Variants in CNTFR observed in about 807,000 individuals in gnomAD.
CNTFR encodes ciliary neurotrophic factor receptor subunit alpha.
Under a neutral mutation model 40.4 loss-of-function variants are expected in CNTFR, and 12 were observed. The observed-to-expected ratio is 0.30, with a 90% CI of 0.19 to 0.48. CNTFR has a LOEUF of 0.48. CNTFR is among the 20% of genes least tolerant of loss of function. The probability of loss-of-function intolerance (pLI) is 0.99; values close to 1 mark genes in which losing one functional copy is unlikely to be tolerated. For missense variants in CNTFR, 414 were observed against 506.8 expected (o/e 0.82, Z 1.76); for synonymous variants, 202 against 209.6 (o/e 0.96, Z 0.31).
At chr9:34,575,451 G>A (rs1481866332) in intron 2 of CNTFR, among the ~76,000 whole-genome samples, 1 of 151,984 alleles carries the variant, frequency 6.6e-6, no homozygotes, top group Non-Finnish European at 1.5e-5. Context: ...GTAAGGAAAG[G>A]CCCGAAGCGG....
At position 34,556,237 on chromosome 9, in the gene CNTFR, G is replaced by T; in HGVS notation, c.768+18C>A. On this transcript the variant is annotated intron_variant, in intron 7 of 9. Coordinates refer to ENST00000378980, the MANE Select transcript of CNTFR (RefSeq NM_147164.3). ...TCTAACTCAGGCACCCAGGATCTTG[G>T]CCGGGCAGGGCACTCACATGCTGCC... is the stretch of plus-strand genomic sequence containing the variant. 1 of 1,600,792 alleles carries T rather than the reference G, an allele frequency of 6.2e-7. No homozygotes were observed. The highest frequency in any genetic ancestry group is 8.5e-7 in the Non-Finnish European group (1 of 1,176,652).
chr9:34,573,605 C>T (rs998207457), intron 2 of CNTFR, among the ~76,000 whole-genome samples: 2 of 152,204 alleles, frequency 1.3e-5, no homozygotes, highest in Non-Finnish European at 2.9e-5. Context: ...TGATGAAGGG[C>T]ATCCGGCCCA....
Position 34,552,759 on chromosome 9 carries a change from C to T in CNTFR, c.864G>A (p.Gly288=), listed in dbSNP as rs1356848527. 13 of 1,613,900 alleles carry T rather than the reference C, an allele frequency of 8.1e-6. No homozygotes were observed. The highest frequency in any genetic ancestry group is 1.0e-5 in the Non-Finnish European group (12 of 1,179,956). ...IQVAAKDNEI[G]TWSDWSVAAH... The stretch of plus-strand genomic sequence containing the variant: ...CGGCTACGCTCCAGTCACTCCATGT[C>T]CCAATCTCATTGTCCTTGGCTGCCA... Residue 288 remains glycine (G), a synonymous_variant, in exon 8 of 10, where the codon GGG becomes GGA. Transcript: ENST00000378980. The surrounding 1 kb of genome is among the most constrained non-coding windows in gnomAD (Gnocchi z 5.1).
At chr9:34,554,189 G>T (rs1393313534) in intron 7 of CNTFR, among the ~76,000 whole-genome samples, 1 of 152,144 alleles carries the variant, frequency 6.6e-6, no homozygotes, top group Non-Finnish European at 1.5e-5. Context: ...CAGGGTCCCA[G>T]TTCCACCTCT....
At chr9:34,587,798 G>T (rs1298744469) in intron 1 of CNTFR, among the ~76,000 whole-genome samples, 2 of 152,186 alleles carry the variant, frequency 1.3e-5, no homozygotes, top group Non-Finnish European at 2.9e-5. Flanking sequence ...GATTCTGGGT[G>T]TGAGCTCTAG....
At chr9:34,581,520 C>G (rs994997149) in intron 1 of CNTFR, among the ~76,000 whole-genome samples, 1 of 152,212 alleles carries the variant, frequency 6.6e-6, no homozygotes, top group African/African-American at 2.4e-5. Context: ...CTCCATATCA[C>G]ATGCATCCTC....
rs1827678218 is a variant in CNTFR, at chr9:34,589,285, A to G, written c.-112+270T>C. Among the ~76,000 whole-genome samples the G allele has an allele frequency of 1.3e-5, 2 of 152,030 alleles. No homozygotes were observed. The highest frequency in any genetic ancestry group is 2.4e-5 in the African/African-American group (1 of 41,390). ...TGGGGAGAACAGGGACACTAGGACAAACCGCCGGAGCCACCTCCCTCTAGT... is the reference window on the plus strand; with the variant it reads ...TGGGGAGAACAGGGACACTAGGACAGACCGCCGGAGCCACCTCCCTCTAGT... On this transcript the variant is annotated intron_variant, in intron 1 of 9. Transcript: ENST00000378980. This position sits in a 1 kb window ranked among gnomAD's most constrained non-coding sequence, Gnocchi z 4.4.
intron 2 of CNTFR, among the ~76,000 whole-genome samples, chr9:34,577,019 G>A (rs1827005489): frequency 6.6e-6 from 1 of 152,260 alleles, no homozygotes; most frequent in South Asian, 2.1e-4. Context: ...AGCCCACAGA[G>A]AGGTAGGGCA....
At chr9:34,556,618 T>A (rs1176248521) in intron 6 of CNTFR, among the ~76,000 whole-genome samples, 200 bp from the exon 7 acceptor site, 3 of 152,194 alleles carry the variant, frequency 2.0e-5, no homozygotes, top group Non-Finnish European at 2.9e-5. Context: ...ATCCCCATCA[T>A]CACTAATGAC....
chr9:34,566,124 C>A (rs1015703186), intron 3 of CNTFR, among the ~76,000 whole-genome samples: 3 of 151,966 alleles, frequency 2.0e-5, no homozygotes, highest in South Asian at 4.2e-4. Flanking sequence ...GTGTAGGGAT[C>A]CCCCTTGGAC....
intron 3 of CNTFR, among the ~76,000 whole-genome samples, chr9:34,567,502 C>T (rs540172885): frequency 6.6e-6 from 1 of 152,256 alleles, no homozygotes; most frequent in African/African-American, 2.4e-5. Flanking sequence ...CACAGTCACA[C>T]AGGGACACTG....
chr9:34,572,775 C>T (rs542580127), intron 2 of CNTFR, among the ~76,000 whole-genome samples: 15 of 152,176 alleles, frequency 9.9e-5, no homozygotes, highest in Non-Finnish European at 1.3e-4. Context: ...ACAGTCACCA[C>T]GATGACAATA....
chr9:34,563,442 G>A (rs1026736865), intron 4 of CNTFR, among the ~76,000 whole-genome samples: 10 of 152,186 alleles, frequency 6.6e-5, no homozygotes, highest in African/African-American at 2.4e-4. Context: ...TGCACCTTCG[G>A]TGGTTAACCT....
chr9:34,590,303 G>T (rs569901106), upstream of CNTFR, among the ~76,000 whole-genome samples: 46 of 152,188 alleles, frequency 3.0e-4, no homozygotes, highest in African/African-American at 1.1e-3. Context: ...ACTCCCGCAC[G>T]TTCAGGCCCT....
chr9:34,585,114 C>T (rs1219496154), intron 1 of CNTFR, among the ~76,000 whole-genome samples: 1 of 152,164 alleles, frequency 6.6e-6, no homozygotes, highest in Non-Finnish European at 1.5e-5. Flanking sequence ...AGGGAGCATT[C>T]GGTCCAATGA....
intron 4 of CNTFR, among the ~76,000 whole-genome samples, chr9:34,559,951 C>T (rs1033210702): frequency 5.3e-5 from 8 of 152,172 alleles, no homozygotes; most frequent in African/African-American, 1.9e-4. Flanking sequence ...CCCCTCACGC[C>T]AGTTCCTCTC....
chr9:34,565,373 C>T (rs574006291), intron 3 of CNTFR, among the ~76,000 whole-genome samples: 2 of 152,158 alleles, frequency 1.3e-5, no homozygotes, highest in South Asian at 4.1e-4. Flanking sequence ...CTCTACCCCC[C>T]ACCTCCCCCA....
chr9:34,555,918 T>C (rs10814120), intron 7 of CNTFR, among the ~76,000 whole-genome samples: 12,323 of 30,642 alleles, frequency 0.4, 943 homozygotes, highest in Middle Eastern at 0.49. Context: ...CTCCCTCCCC[T>C]GCCATCTCCC....
chr9:34,571,561 T>TATAC (rs1554699317), intron 2 of CNTFR: 1 of 148,544 alleles, frequency 6.7e-6, no homozygotes, highest in Non-Finnish European at 1.5e-5. Flanking sequence ...CGCGTGCGCA[T>TATAC]ACACACACAC....
Sources: gnomAD v4.1 joint callset for allele counts (sites outside exome capture counted in the v4.1 genomes callset) on GRCh38, gnomAD v4.1.1 for gene constraint, Gnocchi (gnomAD v3.1) non-coding constraint, MANE v1.5 for transcripts, NCBI Gene and HGNC (gene_info 2026-07-23, HGNC 2026-07-21) for gene names.